Variants in CRADD observed in about 807,000 individuals in gnomAD.
CRADD encodes the protein death domain-containing protein CRADD.
Under a neutral mutation model 15.5 loss-of-function variants are expected in CRADD, and 9 were observed. That is an observed-to-expected ratio of 0.58 (90% CI 0.35 to 1.01). CRADD has a LOEUF of 1.01. CRADD is among the 50% of genes least tolerant of loss of function. The pLI is 0.02. For synonymous variants in CRADD, 118 were observed against 107.6 expected (o/e 1.10, Z -0.60); for missense variants, 227 against 250.3 (o/e 0.91, Z 0.63).
intron 2 of CRADD, among the ~76,000 whole-genome samples, chr12:93,866,773 A>T (rs899093058): frequency 5.9e-5 from 9 of 152,174 alleles, no homozygotes; most frequent in Non-Finnish European, 1.2e-4. Flanking sequence ...GGCTTGTCAG[A>T]TGTTTTCAGA....
intron 2 of CRADD, among the ~76,000 whole-genome samples, chr12:93,822,448 A>T (rs1360337246): frequency 6.6e-6 from 1 of 152,194 alleles, no homozygotes. Flanking sequence ...TTTGTACCAC[A>T]GTGAATTGTT....
At chr12:93,780,747 T>C (rs1006490553) in intron 2 of CRADD, among the ~76,000 whole-genome samples, 2 of 151,970 alleles carry the variant, frequency 1.3e-5, no homozygotes, top group African/African-American at 4.8e-5. Context: ...TTACCTTTTT[T>C]TTTTTTTTGA....
intron 2 of CRADD, chr12:93,738,325 C>T (rs1327679362): frequency 1.7e-5 from 12 of 701,098 alleles, no homozygotes; most frequent in Non-Finnish European, 2.3e-5. Flanking sequence ...GGCATGGGCC[C>T]TGGAACTCTG....
intron 2 of CRADD, among the ~76,000 whole-genome samples, chr12:93,742,494 G>A (rs1956688872): frequency 6.7e-6 from 1 of 149,612 alleles, no homozygotes; most frequent in Non-Finnish European, 1.5e-5. Context: ...AGGCGGCGCC[G>A]ACTGCCGGGG....
intron 2 of CRADD, among the ~76,000 whole-genome samples, chr12:93,885,709 TG>T (rs1172959546): frequency 6.6e-6 from 1 of 152,092 alleles, no homozygotes; most frequent in African/African-American, 2.4e-5. Context: ...CCTCTCGAGA[TG>T]GTTGTAAGGA....
chr12:93,844,891 G>A (rs555950969), intron 2 of CRADD, among the ~76,000 whole-genome samples: 12 of 152,326 alleles, frequency 7.9e-5, no homozygotes, highest in Middle Eastern at 3.4e-3. Flanking sequence ...AAGGCGAGAG[G>A]ACCAGTTCCT....
intron 2 of CRADD, among the ~76,000 whole-genome samples, chr12:93,744,144 G>C (rs73220813): frequency 6.6e-6 from 1 of 152,096 alleles, no homozygotes; most frequent in Non-Finnish European, 1.5e-5. Flanking sequence ...GCACAGGATG[G>C]CTCTCCTGGC....
intron 2 of CRADD, among the ~76,000 whole-genome samples, chr12:93,740,755 A>AGTTATTG (rs1956653563): frequency 6.6e-6 from 1 of 152,204 alleles, no homozygotes; most frequent in Non-Finnish European, 1.5e-5. Flanking sequence ...ACAGCAGTCT[A>AGTTATTG]GTTATTGTTT....
chr12:93,797,986 T>G (rs1957438229), intron 2 of CRADD, among the ~76,000 whole-genome samples: 1 of 152,144 alleles, frequency 6.6e-6, no homozygotes, highest in Non-Finnish European at 1.5e-5. Context: ...TTTGGGTGAT[T>G]TATTAAGAGA....
At chr12:93,856,830 C>T (rs1271898126) in intron 2 of CRADD, among the ~76,000 whole-genome samples, 1 of 152,194 alleles carries the variant, frequency 6.6e-6, no homozygotes, top group Non-Finnish European at 1.5e-5. Flanking sequence ...TATGACATCC[C>T]TATCCCTTTT....
At chr12:93,678,497 A>T (rs942271530) in intron 1 of CRADD, among the ~76,000 whole-genome samples, 1 of 151,878 alleles carries the variant, frequency 6.6e-6, no homozygotes, top group Non-Finnish European at 1.5e-5. Context: ...TCTTTTTCCA[A>T]ATTTCTTTAT....
chr12:93,749,516 C>CGT (rs1956806970), intron 2 of CRADD, among the ~76,000 whole-genome samples: 1 of 151,256 alleles, frequency 6.6e-6, no homozygotes. Context: ...TGGCAGAGTG[C>CGT]TGGGCTTCTT....
chr12:93,750,690 C>T (rs1291331702), intron 2 of CRADD, among the ~76,000 whole-genome samples: 1 of 152,040 alleles, frequency 6.6e-6, no homozygotes, highest in Non-Finnish European at 1.5e-5. Context: ...TTGCCATGCT[C>T]ACTATATATT....
At chr12:93,750,729 G>T (rs1156784219) in intron 2 of CRADD, among the ~76,000 whole-genome samples, 1 of 151,956 alleles carries the variant, frequency 6.6e-6, no homozygotes, top group East Asian at 1.9e-4. Flanking sequence ...TTAACATTTT[G>T]AAAATTATAT....
intron 2 of CRADD, among the ~76,000 whole-genome samples, chr12:93,826,991 A>C (rs574557543): frequency 4.6e-5 from 7 of 152,218 alleles, no homozygotes; most frequent in Non-Finnish European, 1.0e-4. Context: ...AGTCTAGGGA[A>C]CAGGACCTAA....
In CRADD at chr12:93,889,773, T is replaced by C. The variant is rs375767243; in HGVS notation, c.299-4277T>C. Among the ~76,000 whole-genome samples, 78 of 152,246 alleles carry C rather than the reference T, an allele frequency of 5.1e-4. No individual in the cohort carries two copies. In the South Asian group the frequency reaches 0.016, roughly 30 times the overall value. On this transcript the variant is annotated intron_variant, in intron 2 of 2. Coordinates refer to the CRADD transcript ENST00000548483. ...AGGGATGTGGTCAGTAAATTGGGAA[T>C]GGGAGAAGAAGGAGCTTTTCCTGCT...
intron 2 of CRADD, among the ~76,000 whole-genome samples, chr12:93,811,540 C>T (rs112000431): frequency 6.6e-6 from 1 of 152,318 alleles, no homozygotes. Context: ...AAAGCCAGAT[C>T]AACCCAAATT....
At chr12:93,871,711 G>T (rs1958421630) in intron 2 of CRADD, among the ~76,000 whole-genome samples, 1 of 152,032 alleles carries the variant, frequency 6.6e-6, no homozygotes, top group African/African-American at 2.4e-5. Flanking sequence ...AATGATATCT[G>T]GTTCCATCCA....
At chr12:93,718,231 G>A (rs1487601037) in intron 2 of CRADD, among the ~76,000 whole-genome samples, 2 of 152,142 alleles carry the variant, frequency 1.3e-5, no homozygotes, top group Non-Finnish European at 2.9e-5. Flanking sequence ...TTTTTGTTGG[G>A]ATTGCATTGA....
Sources: gnomAD v4.1 joint callset for allele counts (sites outside exome capture counted in the v4.1 genomes callset) on GRCh38, gnomAD v4.1.1 for gene constraint, MANE v1.5 for transcripts, NCBI Gene and HGNC (gene_info 2026-07-23, HGNC 2026-07-21) for gene names.